Variants in RAP1GDS1 observed in about 807,000 individuals in gnomAD.
The protein encoded by RAP1GDS1 is Rap1 GTPase-GDP dissociation stimulator 1.
A neutral mutation model predicts 71.1 loss-of-function variants in RAP1GDS1; 35 were observed. That is an observed-to-expected ratio of 0.49 (90% CI 0.38 to 0.65). The LOEUF (loss-of-function observed/expected upper bound fraction) is 0.65. RAP1GDS1 is among the 30% of genes least tolerant of loss of function. The pLI, the probability that RAP1GDS1 is intolerant of heterozygous loss-of-function variation, is 0.00. For missense variants in RAP1GDS1, 663 were observed against 706.1 expected (o/e 0.94, Z 0.69); for synonymous variants, 229 against 243.1 (o/e 0.94, Z 0.54).
At chr4:98,325,818 T>C (rs761237431) in intron 2 of RAP1GDS1, among the ~76,000 whole-genome samples, 18 of 149,820 alleles carry the variant, frequency 1.2e-4, no homozygotes, top group Non-Finnish European at 2.2e-4. Context: ...ATATACCTAA[T>C]GCTAGATGAC....
intron 7 of RAP1GDS1, among the ~76,000 whole-genome samples, chr4:98,408,315 T>C (rs1746464587): frequency 6.6e-6 from 1 of 152,082 alleles, no homozygotes; most frequent in South Asian, 2.1e-4. Flanking sequence ...TTATTTTTAG[T>C]AGACACGGGG....
chr4:98,289,510 G>A (rs542303351), intron 1 of RAP1GDS1, among the ~76,000 whole-genome samples: 1 of 138,092 alleles, frequency 7.2e-6, no homozygotes, highest in Non-Finnish European at 1.5e-5. Context: ...GGCATAATGT[G>A]AGTTGTAAAA....
rs1560989026 is a variant in RAP1GDS1 at position 98,417,505 on chromosome 4, A to AT, written c.1039+8dup. On this transcript the variant is annotated splice_region_variant and intron_variant, in intron 9 of 14. Coordinates refer to ENST00000408927, the MANE Select transcript of RAP1GDS1 (RefSeq NM_001100427.2). ...GCAAATTTTGCCAGAAATGGTAAGC[A>AT]TATTAGTTCCTCCTTTGTTAGTCAA... The AT allele has an allele frequency of 6.2e-7, 1 of 1,612,502 alleles. No homozygotes were observed. The highest frequency in any genetic ancestry group is 1.1e-5 in the South Asian group (1 of 90,990).
At chr4:98,391,916 T>G in intron 5 of RAP1GDS1, 36 bp from the exon 6 acceptor site, 1 of 1,544,834 alleles carries the variant, frequency 6.5e-7, no homozygotes, top group Non-Finnish European at 8.7e-7. Context: ...TGTCAACACT[T>G]TCTTTTCTGT....
At chr4:98,406,482 A>AG (rs1480922883) in intron 7 of RAP1GDS1, among the ~76,000 whole-genome samples, 5 of 152,034 alleles carry the variant, frequency 3.3e-5, no homozygotes, top group Admixed American at 6.6e-5. Flanking sequence ...CAATTTACCT[A>AG]GAAAAAAAAT....
At chr4:98,376,392 A>G (rs1158704826) in intron 4 of RAP1GDS1, among the ~76,000 whole-genome samples, 3 of 152,078 alleles carry the variant, frequency 2.0e-5, no homozygotes, top group East Asian at 3.9e-4. Context: ...ACATGAAGGT[A>G]TAGAGTTAAC....
At chr4:98,432,547 G>A (rs984712886) in intron 12 of RAP1GDS1, among the ~76,000 whole-genome samples, 4 of 152,112 alleles carry the variant, frequency 2.6e-5, no homozygotes, top group Non-Finnish European at 5.9e-5. Context: ...TTAGTTCTTG[G>A]ACTCTATTTA....
At chr4:98,312,849 C>T (rs1163019997) in intron 2 of RAP1GDS1, among the ~76,000 whole-genome samples, 1 of 151,250 alleles carries the variant, frequency 6.6e-6, no homozygotes, top group Non-Finnish European at 1.5e-5. Context: ...GCGGGTGGAT[C>T]GCAAGGTCAG....
intron 9 of RAP1GDS1, among the ~76,000 whole-genome samples, chr4:98,417,996 A>G (rs1438583661): frequency 6.6e-6 from 1 of 152,164 alleles, no homozygotes. Context: ...AAAAAACTCA[A>G]ATACAGTCTA....
intron 13 of RAP1GDS1, among the ~76,000 whole-genome samples, chr4:98,435,043 T>C (rs1750956027): frequency 6.6e-6 from 1 of 152,170 alleles, no homozygotes; most frequent in African/African-American, 2.4e-5. Flanking sequence ...CCAGGGATGG[T>C]GTAATAGAGT....
At chr4:98,429,453 G>T (rs115055059) in intron 12 of RAP1GDS1, among the ~76,000 whole-genome samples, 1,922 of 152,146 alleles carry the variant, frequency 0.013, 47 homozygotes, top group African/African-American at 0.044. Flanking sequence ...CTATCAGGAT[G>T]CAAAGACATA....
intron 1 of RAP1GDS1, among the ~76,000 whole-genome samples, chr4:98,263,306 T>TC (rs1722286044): frequency 6.6e-6 from 1 of 152,222 alleles, no homozygotes; most frequent in South Asian, 2.1e-4. Flanking sequence ...CCTTAAACAA[T>TC]CCATTTAACA....
chr4:98,280,783 TG>T (rs1447939565), intron 1 of RAP1GDS1, among the ~76,000 whole-genome samples: 1 of 152,238 alleles, frequency 6.6e-6, no homozygotes, highest in Non-Finnish European at 1.5e-5. Flanking sequence ...AATTAATTTT[TG>T]TATAAGGTGT....
In RAP1GDS1 at chr4:98,346,524, C is replaced by A. The variant is rs528669445; in HGVS notation, c.235+3263C>A. Among the ~76,000 whole-genome samples the A allele has an allele frequency of 7.2e-5, 11 of 152,032 alleles. No individual in the cohort carries two copies. The South Asian group carries it at 2.1e-3, about 29-fold the overall frequency. ...TACCTCGAGACCTCAGTGTTGGAAGCTTAACCTCCGTCATTTTGTAAGAAT... is the reference window on the plus strand; with the variant it reads ...TACCTCGAGACCTCAGTGTTGGAAGATTAACCTCCGTCATTTTGTAAGAAT... On this transcript the variant is annotated intron_variant, in intron 3 of 14. Transcript: ENST00000408927.
intron 12 of RAP1GDS1, among the ~76,000 whole-genome samples, chr4:98,433,269 C>A (rs1561013281): frequency 6.6e-6 from 1 of 151,988 alleles, no homozygotes; most frequent in Non-Finnish European, 1.5e-5. Flanking sequence ...AGAACAACTA[C>A]CTGGCACTAT....
At chr4:98,374,274 G>A (rs72688421) in intron 4 of RAP1GDS1, among the ~76,000 whole-genome samples, 5 of 152,110 alleles carry the variant, frequency 3.3e-5, no homozygotes, top group Non-Finnish European at 5.9e-5. Context: ...TCTTTTCTTG[G>A]TTTGTTGAGT....
intron 5 of RAP1GDS1, among the ~76,000 whole-genome samples, chr4:98,381,189 A>T (rs1364184512): frequency 6.6e-6 from 1 of 151,686 alleles, no homozygotes; most frequent in Non-Finnish European, 1.5e-5. Flanking sequence ...GAATATTATT[A>T]GACAAATGGT....
At chr4:98,299,556 A>G (rs1728270005) in intron 2 of RAP1GDS1, among the ~76,000 whole-genome samples, 2 of 152,172 alleles carry the variant, frequency 1.3e-5, no homozygotes, top group East Asian at 1.9e-4. Flanking sequence ...CCGAATTGCT[A>G]TAATCTCACG....
chr4:98,312,377 G>A (rs922880281), intron 2 of RAP1GDS1, among the ~76,000 whole-genome samples: 4 of 151,928 alleles, frequency 2.6e-5, no homozygotes, highest in Admixed American at 2.6e-4. Flanking sequence ...TCATCTTTCT[G>A]TCAGCTGCTG....
Sources: gnomAD v4.1 joint callset for allele counts (sites outside exome capture counted in the v4.1 genomes callset) on GRCh38, gnomAD v4.1.1 for gene constraint, MANE v1.5 for transcripts, NCBI Gene and HGNC (gene_info 2026-07-23, HGNC 2026-07-21) for gene names.